Variants in SGCZ observed in about 807,000 individuals in gnomAD.
The protein encoded by SGCZ is sarcoglycan zeta.
In SGCZ, 40 loss-of-function variants were observed where a neutral mutation model predicts 41.3. The ratio of observed to expected loss-of-function variants is 0.97; its 90% CI spans 0.75 to 1.26. The LOEUF is 1.26. SGCZ is among the 50% of genes most tolerant of loss of function. The pLI, the probability that SGCZ is intolerant of heterozygous loss-of-function variation, is 0.00. For synonymous variants in SGCZ, 206 were observed against 137.5 expected (o/e 1.50, Z -3.49); for missense variants, 552 against 369.8 (o/e 1.49, Z -4.04).
intron 1 of SGCZ, among the ~76,000 whole-genome samples, chr8:14,902,660 G>T (rs1044519964): frequency 2.6e-5 from 4 of 152,064 alleles, no homozygotes; most frequent in Non-Finnish European, 5.9e-5. Flanking sequence ...ATTGAAATTA[G>T]CCTAGTCCTG....
intron 1 of SGCZ, among the ~76,000 whole-genome samples, chr8:14,632,678 C>T (rs1283832960): frequency 2.0e-5 from 3 of 152,062 alleles, no homozygotes; most frequent in Admixed American, 2.0e-4. Context: ...TCTTTGATGT[C>T]TTAACACACA....
chr8:14,392,572 T>G (rs1269961528), intron 2 of SGCZ, among the ~76,000 whole-genome samples: 1 of 152,188 alleles, frequency 6.6e-6, no homozygotes, highest in Non-Finnish European at 1.5e-5. Flanking sequence ...TACATACACC[T>G]TAGAACAGTC....
intron 1 of SGCZ, among the ~76,000 whole-genome samples, chr8:14,736,078 G>A (rs115523554): frequency 0.01 from 1,530 of 152,222 alleles, 20 homozygotes; most frequent in African/African-American, 0.034. Flanking sequence ...CTCATCTAAT[G>A]TCTACAGATT....
chr8:15,113,186 G>C (rs1440138066), intron 1 of SGCZ, among the ~76,000 whole-genome samples: 1 of 147,536 alleles, frequency 6.8e-6, no homozygotes, highest in Non-Finnish European at 1.5e-5. Context: ...TCTAGCCTGG[G>C]CAAGAGAGCG....
At chr8:15,226,180 T>G (rs1801766392) in intron 1 of SGCZ, among the ~76,000 whole-genome samples, 1 of 152,208 alleles carries the variant, frequency 6.6e-6, no homozygotes, top group Admixed American at 6.5e-5. Flanking sequence ...CCTTCGGACC[T>G]ACCTACCTAC....
At chr8:14,844,456 G>A (rs1803033209) in intron 1 of SGCZ, among the ~76,000 whole-genome samples, 1 of 152,098 alleles carries the variant, frequency 6.6e-6, no homozygotes, top group African/African-American at 2.4e-5. Context: ...TGTAACAAAC[G>A]TGACTTCGGG....
intron 1 of SGCZ, among the ~76,000 whole-genome samples, chr8:14,876,529 T>C (rs1804362151): frequency 6.6e-6 from 1 of 152,106 alleles, no homozygotes; most frequent in African/African-American, 2.4e-5. Context: ...AACAACTCTG[T>C]GACTATACTA....
At position 14,361,312 on chromosome 8, in the gene SGCZ, A is replaced by G. The variant is rs556156429; in HGVS notation, c.235-37108T>C. ...TGGTTCCATTCTCCCCATCACTTTC[A>G]GGTACAGCAATCAAACGTAGATTTG... On this transcript the variant is annotated intron_variant, in intron 2 of 7. Transcript: ENST00000382080. Among the ~76,000 whole-genome samples, 291 of 152,284 alleles carry G rather than the reference A, an allele frequency of 1.9e-3. 1 individual carries two copies. Among genetic ancestry groups the G allele is most frequent in the African/African-American group, 6.9e-3 (285 of 41,560 alleles).
intron 1 of SGCZ, among the ~76,000 whole-genome samples, chr8:14,914,274 TAAAC>T (rs147560345): frequency 0.061 from 9,308 of 151,990 alleles, 913 homozygotes; most frequent in African/African-American, 0.21. Context: ...ACTAATGTAA[TAAAC>T]AAAGTAAAAT....
chr8:14,208,278 A>G (rs1170717399), intron 4 of SGCZ, among the ~76,000 whole-genome samples: 5 of 152,206 alleles, frequency 3.3e-5, no homozygotes, highest in Admixed American at 6.5e-5. Context: ...AACAGGATTA[A>G]CATCTGAAAC....
At chr8:14,256,916 A>C (rs982113658) in intron 3 of SGCZ, among the ~76,000 whole-genome samples, 2 of 152,230 alleles carry the variant, frequency 1.3e-5, no homozygotes, top group African/African-American at 4.8e-5. Context: ...CGGCCAGAAC[A>C]CTGAGTTAGA....
At chr8:14,350,134 G>T (rs1212962319) in intron 2 of SGCZ, among the ~76,000 whole-genome samples, 1 of 151,640 alleles carries the variant, frequency 6.6e-6, no homozygotes, top group Non-Finnish European at 1.5e-5. Flanking sequence ...ATAGAGAAAG[G>T]GCTTAGAGCT....
At chr8:14,970,435 TA>T (rs1172066001) in intron 1 of SGCZ, among the ~76,000 whole-genome samples, 1 of 152,156 alleles carries the variant, frequency 6.6e-6, no homozygotes, top group Non-Finnish European at 1.5e-5. Context: ...TGTTTCCTTC[TA>T]AAAGTTTTAT....
chr8:15,019,481 A>G (rs1397051045), intron 1 of SGCZ, among the ~76,000 whole-genome samples: 1 of 151,912 alleles, frequency 6.6e-6, no homozygotes, highest in Admixed American at 6.6e-5. Flanking sequence ...CAGCCCCAGC[A>G]CTCCTTTCTG....
At chr8:14,305,986 T>G (rs72603998) in intron 3 of SGCZ, among the ~76,000 whole-genome samples, 38,028 of 152,050 alleles carry the variant, frequency 0.25, 5,008 homozygotes, top group East Asian at 0.35. Flanking sequence ...ACTTAGACAC[T>G]TATGTTAGGG....
intron 2 of SGCZ, among the ~76,000 whole-genome samples, chr8:14,371,619 G>T (rs1019583684): frequency 1.3e-5 from 2 of 151,980 alleles, no homozygotes; most frequent in Non-Finnish European, 2.9e-5. Context: ...ATTCCTCTGA[G>T]AGTCTACTCA....
chr8:14,616,566 C>G (rs938178344), intron 1 of SGCZ, among the ~76,000 whole-genome samples: 30 of 151,996 alleles, frequency 2.0e-4, no homozygotes, highest in African/African-American at 7.0e-4. Context: ...TAAAAACTAC[C>G]TAAAACATCC....
At chr8:14,179,388 C>G (rs1315081588) in intron 4 of SGCZ, among the ~76,000 whole-genome samples, 3 of 152,148 alleles carry the variant, frequency 2.0e-5, no homozygotes, top group Non-Finnish European at 4.4e-5. Context: ...ATCCCTTTAG[C>G]AGAAGATTCA....
intron 1 of SGCZ, among the ~76,000 whole-genome samples, chr8:14,939,549 A>T (rs1800198743): frequency 6.6e-6 from 1 of 152,192 alleles, no homozygotes; most frequent in Admixed American, 6.6e-5. Flanking sequence ...TTACTCAAGC[A>T]ACAAAACTTA....
Sources: allele counts gnomAD v4.1 joint callset (sites outside exome capture counted in the v4.1 genomes callset), GRCh38; gene constraint gnomAD v4.1.1; transcripts MANE v1.5; gene names NCBI Gene and HGNC (gene_info 2026-07-23, HGNC 2026-07-21).